Variants in IFT81 observed in about 807,000 individuals in gnomAD.
IFT81 encodes the protein intraflagellar transport 81.
A neutral mutation model predicts 102.6 loss-of-function variants in IFT81; 72 were observed. That is an observed-to-expected ratio of 0.70 (90% CI 0.58 to 0.85). The LOEUF (loss-of-function observed/expected upper bound fraction) is 0.85. Among genes scored for constraint, IFT81 ranks in the 40% least tolerant of loss-of-function variants. IFT81 has a pLI of 0.00. For synonymous variants in IFT81, 237 were observed against 242.7 expected (o/e 0.98, Z 0.22); for missense variants, 723 against 787.3 (o/e 0.92, Z 0.98).
chr12:110,126,277 CAAAAA>C (rs11287085), intron 1 of IFT81, among the ~76,000 whole-genome samples: 1 of 97,536 alleles, frequency 1.0e-5, no homozygotes, highest in African/African-American at 3.5e-5. Flanking sequence ...GACTCCGTCT[CAAAAA>C]AAAAAAAAAA....
intron 7 of IFT81, among the ~76,000 whole-genome samples, chr12:110,135,731 G>A (rs1247207132): frequency 1.3e-5 from 2 of 152,004 alleles, no homozygotes; most frequent in African/African-American, 4.8e-5. Context: ...GCTGGGCATG[G>A]TGGCACATGC....
chr12:110,210,506 A>G (rs1249216201), intron 18 of IFT81, among the ~76,000 whole-genome samples: 1 of 152,038 alleles, frequency 6.6e-6, no homozygotes, highest in Non-Finnish European at 1.5e-5. Context: ...TGGGAGGCTG[A>G]GGTGGGAGGA....
Position 110,129,113 on chromosome 12 carries a change from G to A in IFT81, c.412G>A (p.Ala138Thr). The A allele has an allele frequency of 8.1e-6, 13 of 1,597,534 alleles. No homozygotes were observed. Among genetic ancestry groups the A allele is most frequent in the Non-Finnish European group, 1.1e-5 (13 of 1,175,228 alleles). The stretch of plus-strand genomic sequence containing the variant: ...TGAGTTTCTTCAGGATGAAACTGTG[G>A]CTGACACCAATAAACAGGTAAACAA... ...PSEFLQDETVADTNKQYEELM... is the reference protein window; with the variant it reads ...PSEFLQDETVTDTNKQYEELM... The change falls in exon 4 of 19, where the codon GCT becomes ACT. Residue 138 changes from alanine (A) to threonine (T), a missense_variant. Physicochemically the swap from Ala to Thr is moderately conservative, Grantham distance 58. Coordinates refer to ENST00000242591, the MANE Select transcript of IFT81 (RefSeq NM_014055.4).
chr12:110,206,263 T>C (rs1039480545), intron 17 of IFT81, among the ~76,000 whole-genome samples: 1 of 152,174 alleles, frequency 6.6e-6, no homozygotes, highest in African/African-American at 2.4e-5. Flanking sequence ...AGTCCTTATA[T>C]GGTGCTTTTT....
intron 12 of IFT81, 32 bp from the exon 13 acceptor site, chr12:110,190,888 T>A (rs753029025): frequency 6.8e-7 from 1 of 1,460,190 alleles, no homozygotes; most frequent in Non-Finnish European, 9.1e-7. Context: ...GATTTTGACA[T>A]GTTTTGTGGC....
In IFT81 at chr12:110,180,407, G is replaced by A. The variant is rs1240406216; in HGVS notation, c.1189-15G>A. 3 of 1,544,752 alleles carry A rather than the reference G, an allele frequency of 1.9e-6. No homozygotes were observed. The highest frequency in any genetic ancestry group is 2.3e-5 in the East Asian group (1 of 44,222). On this transcript the variant is annotated splice_polypyrimidine_tract_variant and intron_variant, in intron 11 of 18. Coordinates refer to ENST00000242591, the MANE Select transcript of IFT81 (RefSeq NM_014055.4). ...TTTTCTACTCATTAGATTACATATT[G>A]TGTTTTTTTTACAGTTCAAACGATA...
intron 7 of IFT81, 21 bp from the exon 8 acceptor site, chr12:110,136,755 C>T: frequency 6.7e-7 from 1 of 1,497,250 alleles, no homozygotes; most frequent in Non-Finnish European, 9.2e-7. Context: ...AGCAAGTAAT[C>T]TATTTAATTG....
At chr12:110,128,388 C>A (rs1893967438) in intron 3 of IFT81, among the ~76,000 whole-genome samples, 2 of 149,406 alleles carry the variant, frequency 1.3e-5, no homozygotes, top group Admixed American at 1.4e-4. Flanking sequence ...TATCCTTTAT[C>A]TGCCATCCTA....
intron 10 of IFT81, among the ~76,000 whole-genome samples, chr12:110,152,942 C>T (rs977846755): frequency 6.6e-6 from 1 of 152,110 alleles, no homozygotes; most frequent in Admixed American, 6.6e-5. Context: ...ATATTTTCTC[C>T]CATTCTGTGT....
At chr12:110,146,575 T>A (rs568011336) in intron 9 of IFT81, among the ~76,000 whole-genome samples, 1 of 152,340 alleles carries the variant, frequency 6.6e-6, no homozygotes, top group East Asian at 1.9e-4. Context: ...AACTGTGTAA[T>A]TATATGTCAT....
chr12:110,214,030 A>G (rs1238182888), intron 18 of IFT81, among the ~76,000 whole-genome samples: 1 of 152,194 alleles, frequency 6.6e-6, no homozygotes, highest in Non-Finnish European at 1.5e-5. Flanking sequence ...TATATCAAAG[A>G]AAATAAATAA....
At chr12:110,165,453 A>T (rs986667969) in intron 11 of IFT81, among the ~76,000 whole-genome samples, 3 of 152,174 alleles carry the variant, frequency 2.0e-5, no homozygotes, top group African/African-American at 4.8e-5. Context: ...CCAAAAAATC[A>T]TGTCCTTTGC....
At chr12:110,179,995 A>G (rs963048318) in intron 11 of IFT81, among the ~76,000 whole-genome samples, 2 of 106,902 alleles carry the variant, frequency 1.9e-5, no homozygotes, top group Admixed American at 9.6e-5. Flanking sequence ...TCTGTTATGT[A>G]TTAGGCACTG....
chr12:110,192,562 A>T, intron 13 of IFT81, 55 bp from the exon 14 acceptor site: 1 of 936,926 alleles, frequency 1.1e-6, no homozygotes, highest in Non-Finnish European at 1.7e-6. Flanking sequence ...TGCATGTAGT[A>T]TTTTTCTTTT....
At chr12:110,143,233 A>G in intron 8 of IFT81, 149 bp from the exon 9 acceptor site, 1 of 324,506 alleles carries the variant, frequency 3.1e-6, no homozygotes, top group Non-Finnish European at 5.2e-6. Context: ...AAATATTTCA[A>G]TGGCCAATCT....
At chr12:110,131,510 C>A (rs992811819) in intron 4 of IFT81, among the ~76,000 whole-genome samples, 1 of 151,886 alleles carries the variant, frequency 6.6e-6, no homozygotes, top group African/African-American at 2.4e-5. Context: ...CTGTGCCCAG[C>A]TAATTTTTTG....
At chr12:110,197,445 C>CT (rs199692035) in intron 14 of IFT81, among the ~76,000 whole-genome samples, 119 of 132,396 alleles carry the variant, frequency 9.0e-4, no homozygotes, top group Middle Eastern at 3.9e-3. Flanking sequence ...TTTCTCTTTG[C>CT]TTTTTTTTTT....
intron 12 of IFT81, among the ~76,000 whole-genome samples, chr12:110,186,238 CTTGTTTGT>C (rs139841661): frequency 0.08 from 11,998 of 150,824 alleles, 580 homozygotes; most frequent in Admixed American, 0.13. Context: ...AACTGTACAT[CTTGTTTGT>C]TTGTTTGTTT....
At chr12:110,213,095 C>G (rs190576455) in intron 18 of IFT81, among the ~76,000 whole-genome samples, 1 of 152,186 alleles carries the variant, frequency 6.6e-6, no homozygotes, top group Non-Finnish European at 1.5e-5. Context: ...TACCATTATC[C>G]TACCGAAAAG....
Sources: gnomAD v4.1 joint callset for allele counts (sites outside exome capture counted in the v4.1 genomes callset) on GRCh38, gnomAD v4.1.1 for gene constraint, MANE v1.5 for transcripts, NCBI Gene and HGNC (gene_info 2026-07-23, HGNC 2026-07-21) for gene names.